CDH18: variants seen among roughly 807,000 people sequenced by gnomAD.
CDH18 encodes cadherin-18.
CDH18 carries 31 observed loss-of-function variants against 67.9 expected under a neutral mutation model. That is an observed-to-expected ratio of 0.46 (90% CI 0.34 to 0.62). The LOEUF (loss-of-function observed/expected upper bound fraction) is 0.62. Among genes scored for constraint, CDH18 ranks in the 20% least tolerant of loss-of-function variants. CDH18 has a pLI of 0.01. For synonymous variants in CDH18, 362 were observed against 347.2 expected (o/e 1.04, Z -0.48); for missense variants, 890 against 975.5 (o/e 0.91, Z 1.17).
At chr5:20,379,704 G>A (rs1401002665) in intron 1 of CDH18, among the ~76,000 whole-genome samples, 1 of 151,730 alleles carries the variant, frequency 6.6e-6, no homozygotes, top group Non-Finnish European at 1.5e-5. Context: ...ATTTTATTTT[G>A]AAGGACAGAT....
chr5:20,091,450 T>C (rs1745413549), intron 2 of CDH18, among the ~76,000 whole-genome samples: 1 of 152,020 alleles, frequency 6.6e-6, no homozygotes, highest in Non-Finnish European at 1.5e-5. Context: ...ATAATTGGGC[T>C]CCAGCCTGAC....
At chr5:20,160,697 T>TAG (rs1751905610) in intron 2 of CDH18, among the ~76,000 whole-genome samples, 1 of 152,224 alleles carries the variant, frequency 6.6e-6, no homozygotes, top group South Asian at 2.1e-4. Flanking sequence ...AAAGGACTAA[T>TAG]GACCTAAGAT....
chr5:20,325,495 C>A (rs2150014385), intron 1 of CDH18, among the ~76,000 whole-genome samples: 1 of 152,248 alleles, frequency 6.6e-6, no homozygotes. Context: ...ACAAACATTT[C>A]TCTACCTCCA....
At chr5:20,254,366 C>A (rs1744075072) in intron 2 of CDH18, among the ~76,000 whole-genome samples, 1 of 152,174 alleles carries the variant, frequency 6.6e-6, no homozygotes, top group Non-Finnish European at 1.5e-5. Context: ...CCTGCCTCAT[C>A]CTCCTAAAGT....
intron 1 of CDH18, among the ~76,000 whole-genome samples, chr5:20,396,146 C>G (rs888159397): frequency 1.3e-5 from 2 of 152,174 alleles, no homozygotes; most frequent in Non-Finnish European, 2.9e-5. Context: ...GTACAGGTCA[C>G]AACCTGGGAC....
intron 2 of CDH18, among the ~76,000 whole-genome samples, chr5:20,074,756 G>T (rs1449393801): frequency 4.0e-5 from 6 of 149,890 alleles, no homozygotes; most frequent in African/African-American, 9.8e-5. Context: ...GCATCATTAA[G>T]GTTGTTAATT....
intron 7 of CDH18, among the ~76,000 whole-genome samples, chr5:19,585,622 T>A (rs1180176231): frequency 2.0e-5 from 3 of 152,152 alleles, no homozygotes; most frequent in Non-Finnish European, 2.9e-5. Flanking sequence ...TACATCAGTA[T>A]CCTTGATGTC....
At chr5:19,907,257 T>G (rs113672761) in intron 2 of CDH18, among the ~76,000 whole-genome samples, 25 of 152,020 alleles carry the variant, frequency 1.6e-4, no homozygotes, top group African/African-American at 5.8e-4. Flanking sequence ...ACTTTGCACT[T>G]GGGTCAAAAA....
intron 3 of CDH18, among the ~76,000 whole-genome samples, chr5:19,824,775 T>G (rs1232572188): frequency 6.6e-6 from 1 of 152,042 alleles, no homozygotes; most frequent in Non-Finnish European, 1.5e-5. Context: ...AACACCCAGA[T>G]GACAGAGAGG....
chr5:20,234,606 G>T lies in CDH18; in HGVS notation c.-518+20838C>A, dbSNP rs181246153. On this transcript the variant is annotated intron_variant, in intron 2 of 14. Transcript: ENST00000507958. ...TGCAGCCTTGTTCTCGGACTTTCCA[G>T]GTTCCTGAACTGTGAAAAACAAATG... Among the ~76,000 whole-genome samples, 172 of 152,100 alleles carry T rather than the reference G, an allele frequency of 1.1e-3. 1 individual carries two copies. Among genetic ancestry groups the T allele is most frequent in the Non-Finnish European group, 2.4e-4 (16 of 67,990 alleles).
intron 1 of CDH18, among the ~76,000 whole-genome samples, chr5:20,279,398 T>C (rs115088466): frequency 0.011 from 1,714 of 152,008 alleles, 33 homozygotes; most frequent in African/African-American, 0.039. Flanking sequence ...CACAGATATA[T>C]AAAGCAAATA....
At chr5:20,235,514 A>T (rs913817638) in intron 2 of CDH18, among the ~76,000 whole-genome samples, 2 of 152,192 alleles carry the variant, frequency 1.3e-5, no homozygotes, top group Admixed American at 1.3e-4. Context: ...ACGAACAAAC[A>T]CATGAAAAAA....
At chr5:20,534,887 A>G (rs2115345) in intron 1 of CDH18, among the ~76,000 whole-genome samples, 112,573 of 151,480 alleles carry the variant, frequency 0.74, 42,099 homozygotes, top group East Asian at 0.98. Context: ...TGTTGCCCAG[A>G]CCAGAGTGCA....
In CDH18 at chr5:19,839,037, C is replaced by T. The variant is rs753332926; in HGVS notation, c.-51G>A. Reference sequence around the variant, plus strand: ...TTTTCCTTCCTTTCCTTGTCAGCTACGAAAGCTTAGTGAGCATTCAAGAGA... The same window carrying T: ...TTTTCCTTCCTTTCCTTGTCAGCTATGAAAGCTTAGTGAGCATTCAAGAGA... On this transcript the variant is annotated 5_prime_UTR_variant, in exon 3 of 13. Coordinates refer to ENST00000382275, the MANE Select transcript of CDH18 (RefSeq NM_004934.5). The T allele has an allele frequency of 1.8e-5, 26 of 1,473,284 alleles. No homozygotes were observed. The highest frequency in any genetic ancestry group is 9.2e-5 in the South Asian group (8 of 87,242). 91.3% of individuals were successfully genotyped at this position (1,473,284 alleles called of 1,614,324 possible).
At chr5:19,962,105 C>T (rs534731122) in intron 2 of CDH18, among the ~76,000 whole-genome samples, 1 of 151,704 alleles carries the variant, frequency 6.6e-6, no homozygotes, top group African/African-American at 2.4e-5. Flanking sequence ...TTGATTTCCC[C>T]AATATTGTCA....
intron 2 of CDH18, among the ~76,000 whole-genome samples, chr5:19,965,742 A>AGGTAGAAAGAGAGAGGCG (rs1181304383): frequency 6.6e-6 from 1 of 152,152 alleles, no homozygotes; most frequent in East Asian, 1.9e-4. Context: ...AGAGAGAGGC[A>AGGTAGAAAGAGAGAGGCG]GGTAGAAAGA....
At chr5:19,609,672 G>T (rs1046627864) in intron 6 of CDH18, among the ~76,000 whole-genome samples, 11 of 151,964 alleles carry the variant, frequency 7.2e-5, no homozygotes, top group African/African-American at 2.7e-4. Flanking sequence ...CACTTTGAGA[G>T]AATATTTTTG....
At chr5:20,164,891 A>G (rs912629937) in intron 2 of CDH18, among the ~76,000 whole-genome samples, 5 of 152,204 alleles carry the variant, frequency 3.3e-5, no homozygotes, top group Admixed American at 2.0e-4. Context: ...CATGAATACC[A>G]TATAAGCTTC....
chr5:19,826,545 C>A (rs1051048859), intron 3 of CDH18, among the ~76,000 whole-genome samples: 1 of 152,184 alleles, frequency 6.6e-6, no homozygotes. Flanking sequence ...AGAAATCCTA[C>A]AGGCCAGAAG....
Sources: allele counts gnomAD v4.1 joint callset (sites outside exome capture counted in the v4.1 genomes callset), GRCh38; gene constraint gnomAD v4.1.1; transcripts MANE v1.5; gene names NCBI Gene and HGNC (gene_info 2026-07-23, HGNC 2026-07-21).